CBLB: variants seen among roughly 807,000 people sequenced by gnomAD.
The protein encoded by CBLB is E3 ubiquitin-protein ligase CBL-B.
CBLB carries 31 observed loss-of-function variants against 104.9 expected under a neutral mutation model. That is an observed-to-expected ratio of 0.30 (90% CI 0.22 to 0.40). The LOEUF (loss-of-function observed/expected upper bound fraction) is 0.40. Among genes scored for constraint, CBLB ranks in the 10% least tolerant of loss-of-function variants. The pLI is 1.00. For synonymous variants in CBLB, 440 were observed against 422.6 expected (o/e 1.04, Z -0.51); for missense variants, 1,062 against 1,214.6 (o/e 0.87, Z 1.87).
intron 12 of CBLB, among the ~76,000 whole-genome samples, chr3:105,695,772 TTC>T (rs1401820415): frequency 1.3e-5 from 2 of 151,818 alleles, no homozygotes; most frequent in Non-Finnish European, 3.0e-5. Flanking sequence ...TTTGCTCATG[TTC>T]TGTGTACTTA....
chr3:105,822,408 C>T (rs936639954), intron 3 of CBLB, among the ~76,000 whole-genome samples: 1 of 152,182 alleles, frequency 6.6e-6, no homozygotes, highest in African/African-American at 2.4e-5. Flanking sequence ...CTTTCCATGG[C>T]TGGTCAATTC....
chr3:105,743,340 G>T (rs1240722261), intron 6 of CBLB, among the ~76,000 whole-genome samples: 2 of 151,722 alleles, frequency 1.3e-5, no homozygotes, highest in Non-Finnish European at 2.9e-5. Context: ...CATGCCTGTA[G>T]TCCCAGCTAC....
At chr3:105,761,314 G>A (rs2077603294) in intron 4 of CBLB, among the ~76,000 whole-genome samples, 1 of 152,200 alleles carries the variant, frequency 6.6e-6, no homozygotes, top group Non-Finnish European at 1.5e-5. Flanking sequence ...TTACAGGCAT[G>A]AGCCACTGCA....
chr3:105,843,155 A>T (rs1405786747), intron 3 of CBLB, among the ~76,000 whole-genome samples: 1 of 152,216 alleles, frequency 6.6e-6, no homozygotes, highest in Non-Finnish European at 1.5e-5. Flanking sequence ...ACTATTTACT[A>T]TCTGGCTCTG....
intron 10 of CBLB, among the ~76,000 whole-genome samples, chr3:105,711,781 A>G (rs1268069154): frequency 6.6e-6 from 1 of 152,096 alleles, no homozygotes; most frequent in Non-Finnish European, 1.5e-5. Flanking sequence ...GCACCCTGCT[A>G]CCTTCCTAAG....
Position 105,720,066 on chromosome 3 carries a change from C to T in CBLB, c.1388G>A (p.Arg463Gln), listed in dbSNP as rs765424819. Residue 463 changes from arginine (R) to glutamine (Q), a missense_variant, in exon 10 of 19, where the codon CGG becomes CAG. Coordinates refer to ENST00000394030, the MANE Select transcript of CBLB (RefSeq NM_170662.5). ...TTTTACCTTTCGGACGTTTGCCAAC[C>T]GATTCATCATCAAGGACTCCTCACG... ...DDREESLMMNRLANVRKCTDR... is the reference protein window; with the variant it reads ...DDREESLMMNQLANVRKCTDR... 11 of 1,613,692 alleles carry T rather than the reference C, an allele frequency of 6.8e-6. No individual in the cohort carries two copies. Among genetic ancestry groups the T allele is most frequent in the South Asian group, 5.5e-5 (5 of 91,076 alleles).
intron 3 of CBLB, among the ~76,000 whole-genome samples, chr3:105,848,354 G>C (rs1018614460): frequency 1.3e-5 from 2 of 152,042 alleles, no homozygotes; most frequent in African/African-American, 4.8e-5. Context: ...TACTTCAGTA[G>C]CATATACAAT....
chr3:105,868,324 C>T (rs1331424627), intron 1 of CBLB: 2 of 817,236 alleles, frequency 2.4e-6, no homozygotes, highest in East Asian at 6.7e-5. Flanking sequence ...GCCCTCAACC[C>T]AAAGCTTTGT....
In CBLB at chr3:105,734,650, TG is replaced by T. The variant is rs534653677; in HGVS notation, c.1072-511del. On this transcript the variant is annotated intron_variant, in intron 8 of 18. Transcript: ENST00000394030. Reference sequence around the variant, plus strand: ...AGCACTTCCCGCATGCCAGGCACTGTGGTCCACACTTACTATTTCACTTCAT... The same window carrying T: ...AGCACTTCCCGCATGCCAGGCACTGTGTCCACACTTACTATTTCACTTCAT... 2.3e-3 allele frequency among the ~76,000 whole-genome samples: 351 copies of T among 152,344 alleles called. 2 individuals are homozygous for T. The highest frequency in any genetic ancestry group is 8.2e-3 in the African/African-American group (341 of 41,586).
chr3:105,698,244 A>T (rs2068638672), intron 12 of CBLB, among the ~76,000 whole-genome samples: 1 of 151,972 alleles, frequency 6.6e-6, no homozygotes, highest in African/African-American at 2.4e-5. Flanking sequence ...AGCTAGAATA[A>T]TTTTTTCCTC....
intron 6 of CBLB, among the ~76,000 whole-genome samples, chr3:105,742,698 AAAAGTT>A (rs1214007264): frequency 6.6e-6 from 1 of 152,210 alleles, no homozygotes; most frequent in Non-Finnish European, 1.5e-5. Context: ...AAATTAAGTC[AAAAGTT>A]AAAATCTTAA....
At chr3:105,804,243 G>A (rs920098907) in intron 3 of CBLB, among the ~76,000 whole-genome samples, 10 of 151,972 alleles carry the variant, frequency 6.6e-5, no homozygotes, top group African/African-American at 1.5e-4. Context: ...ATGTAAAGCC[G>A]GGCGTGGTGG....
chr3:105,673,883 C>A (rs1224391919), intron 17 of CBLB: 1 of 152,214 alleles, frequency 6.6e-6, no homozygotes, highest in Non-Finnish European at 1.5e-5. Context: ...CATCCAAGGT[C>A]TTCTCTTCTC....
At chr3:105,697,889 T>C (rs1298934149) in intron 12 of CBLB, among the ~76,000 whole-genome samples, 1 of 152,044 alleles carries the variant, frequency 6.6e-6, no homozygotes, top group Non-Finnish European at 1.5e-5. Context: ...AGTAGATACA[T>C]TGCAAGTTTT....
chr3:105,818,999 T>A (rs1193142827), intron 3 of CBLB, among the ~76,000 whole-genome samples: 1 of 152,242 alleles, frequency 6.6e-6, no homozygotes, highest in South Asian at 2.1e-4. Context: ...TCTGTGAATC[T>A]GCAAATAGAA....
chr3:105,705,053 A>C (rs1324493373), intron 10 of CBLB, among the ~76,000 whole-genome samples: 3 of 152,224 alleles, frequency 2.0e-5, no homozygotes, highest in Non-Finnish European at 2.9e-5. Context: ...TTCCAAGTCT[A>C]AGTTACTAGC....
intron 17 of CBLB, among the ~76,000 whole-genome samples, chr3:105,677,010 C>A (rs2065725522): frequency 6.6e-6 from 1 of 152,100 alleles, no homozygotes; most frequent in African/African-American, 2.4e-5. Flanking sequence ...GCAATGAAAC[C>A]CCTTTTCTTT....
At chr3:105,715,629 A>G (rs545004678) in intron 10 of CBLB, among the ~76,000 whole-genome samples, 6 of 152,220 alleles carry the variant, frequency 3.9e-5, no homozygotes, top group Non-Finnish European at 5.9e-5. Context: ...CCGCTCATAA[A>G]AGAAGAAAAA....
intron 18 of CBLB, among the ~76,000 whole-genome samples, chr3:105,665,224 GAA>G (rs2064241440): frequency 6.6e-6 from 1 of 151,618 alleles, no homozygotes; most frequent in African/African-American, 2.4e-5. Flanking sequence ...CCAATATGGT[GAA>G]ACCCTGTCTA....
Sources: allele counts gnomAD v4.1 joint callset (sites outside exome capture counted in the v4.1 genomes callset), GRCh38; gene constraint gnomAD v4.1.1; transcripts MANE v1.5; gene names NCBI Gene and HGNC (gene_info 2026-07-23, HGNC 2026-07-21).